Variants in NOC2L observed in about 807,000 individuals in gnomAD.
NOC2L encodes nucleolar complex protein 2 homolog.
A neutral mutation model predicts 94.2 loss-of-function variants in NOC2L; 101 were observed. That is an observed-to-expected ratio of 1.07 (90% CI 0.91 to 1.26). NOC2L has a LOEUF of 1.26. Among genes scored for constraint, NOC2L ranks in the 50% most tolerant of loss-of-function variants. The pLI, the probability that NOC2L is intolerant of heterozygous loss-of-function variation, is 0.00. For synonymous variants in NOC2L, 531 were observed against 413.4 expected (o/e 1.28, Z -3.45); for missense variants, 1,076 against 980.1 (o/e 1.10, Z -1.31).
rs778041820 is a variant in NOC2L at position 953,875 on chromosome 1, CGACA to C, written c.791_794del (p.Leu264ArgfsTer21). 9 of 1,613,114 alleles carry C rather than the reference CGACA, an allele frequency of 5.6e-6. No homozygotes were observed. Among genetic ancestry groups the C allele is most frequent in the South Asian group, 1.1e-5 (1 of 91,088 alleles). On this transcript the variant is annotated frameshift_variant, in exon 8 of 19. Transcript: ENST00000327044. LOFTEE classifies it high-confidence loss of function. ...GCACGGCCGCCAACACCGTCGTCTC[CGACA>C]GACAGGACACCAGCTGGGGGCAGGA...
chr1:956,291 G>A (rs564976118), intron 4 of NOC2L, 76 bp from the exon 5 acceptor site: 29 of 1,565,038 alleles, frequency 1.9e-5, no homozygotes, highest in Non-Finnish European at 2.5e-5. Flanking sequence ...CAGCCCCAGA[G>A]AAAGGCACCC....
At chr1:954,181 G>T in intron 6 of NOC2L, 99 bp from the exon 7 acceptor site, 2 of 1,102,790 alleles carry the variant, frequency 1.8e-6, no homozygotes, top group South Asian at 2.9e-5. Context: ...TAGCCTCTAC[G>T]ACTCTGCAGA....
intron 9 of NOC2L, 56 bp downstream of exon 9, chr1:953,119 A>G: frequency 7.5e-7 from 1 of 1,328,874 alleles, no homozygotes; most frequent in Non-Finnish European, 1.1e-6. Context: ...CCCTGCCCTT[A>G]GGCCGAGATT....
At position 949,256 on chromosome 1, in the gene NOC2L, G is replaced by A. The variant is rs1642192759; in HGVS notation, c.1444-653C>T. ...AGGCTGTGAACCAGAGAGATCCAGG[G>A]TACATGCTGGGGCACCAGAGGACAG... is the stretch of plus-strand genomic sequence containing the variant. On this transcript the variant is annotated intron_variant, in intron 12 of 18. Coordinates refer to ENST00000327044, the MANE Select transcript of NOC2L (RefSeq NM_015658.4). 2.0e-5 allele frequency among the ~76,000 whole-genome samples: 3 copies of A among 152,328 alleles called. 1 individual carries two copies. Among genetic ancestry groups the A allele is most frequent in the South Asian group, 4.1e-4 (2 of 4,826 alleles).
At chr1:956,870 T>C in intron 4 of NOC2L, 24 bp downstream of exon 4, 1 of 1,612,374 alleles carries the variant, frequency 6.2e-7, no homozygotes, top group Non-Finnish European at 8.5e-7. Flanking sequence ...GGCACCCAGC[T>C]GCCCGCCCCT....
chr1:946,705 TGGCAGA>T (rs1642127546), intron 14 of NOC2L, 160 bp from the exon 15 acceptor site: 1 of 833,538 alleles, frequency 1.2e-6, no homozygotes, highest in Non-Finnish European at 1.8e-6. Flanking sequence ...GCAGCTGGGA[TGGCAGA>T]GGCAGAATCA....
rs1023699967 is a variant in NOC2L, at chr1:954,187, G to A, written c.699-105C>T. ...TGGCCAGCATAGCCTCTACGACTCTGCAGAGACCCCCCGTCTCTCCACTCA... is the reference window on the plus strand; with the variant it reads ...TGGCCAGCATAGCCTCTACGACTCTACAGAGACCCCCCGTCTCTCCACTCA... On this transcript the variant is annotated intron_variant, in intron 6 of 18. Transcript: ENST00000327044. 2.9e-6 allele frequency: 3 copies of A among 1,039,822 alleles called. No homozygotes were observed. In the Admixed American group the frequency reaches 7.6e-5, roughly 26 times the overall value. The allele number at this position is 1,039,822 out of a possible 1,614,324, so 64.4% of individuals were successfully genotyped here.
Position 946,208 on chromosome 1 carries a change from G to A in NOC2L, c.1882C>T (p.Arg628Trp), listed in dbSNP as rs145695271. The change falls in exon 16 of 19, where the codon CGG becomes TGG. Residue 628 changes from arginine to tryptophan, a missense_variant. Arg to Trp is a moderately radical substitution (Grantham distance 101). This residue lies in a region of NOC2L where 615 missense variants were observed against 577.4 expected (regional missense o/e 1.07). Transcript: ENST00000327044. ...CCACTGATCTCCAGCTGGATCTCCC[G>A]GTCACGCAGCTTGCGCCAGTGGCTG... ...YYSHWRKLRD[R>W]EIQLEISGKE... 1.1e-5 allele frequency: 18 copies of A among 1,613,370 alleles called. No individual in the cohort carries two copies. Among genetic ancestry groups the A allele is most frequent in the South Asian group, 7.7e-5 (7 of 91,060 alleles).
intron 17 of NOC2L, 146 bp from the exon 18 acceptor site, chr1:945,292 T>C (rs1157652695): frequency 8.9e-7 from 1 of 1,123,114 alleles, no homozygotes; most frequent in Non-Finnish European, 1.3e-6. Context: ...GGGGAGGAAC[T>C]GGGAGGTCAC....
rs773095845 is a variant in NOC2L, at chr1:946,157, C to T, written c.1917+16G>A. ...GAAGTCACAACACACCCCCAGGTCC[C>T]CTCGCCGAGCCGCACCCGCTCTTTG... On this transcript the variant is annotated intron_variant, in intron 16 of 18. Transcript: ENST00000327044. 3.2e-6 allele frequency: 5 copies of T among 1,581,860 alleles called. No individual in the cohort carries two copies. In the South Asian group the frequency reaches 5.6e-5, roughly 18 times the overall value.
At chr1:948,642 C>T in intron 12 of NOC2L, 39 bp from the exon 13 acceptor site, 2 of 1,505,534 alleles carry the variant, frequency 1.3e-6, no homozygotes, top group East Asian at 4.5e-5. Flanking sequence ...CGGCCCCATG[C>T]CTGGTCACCC....
chr1:952,443 T>C lies in NOC2L; in HGVS notation c.1160A>G (p.His387Arg). 1 of 1,613,614 alleles carries C rather than the reference T, an allele frequency of 6.2e-7. No homozygotes were observed. Among genetic ancestry groups the C allele is most frequent in the Non-Finnish European group, 8.5e-7 (1 of 1,179,976 alleles). ...GCGAGTGGTCATGGCGTTGCGCAGG[T>C]GTATGGCGAGCTGGCGGATGTAGAG... ...AFLYIRQLAI[H>R]LRNAMTTRKK... Residue 387 changes from histidine to arginine, a missense_variant, in exon 10 of 19, where the codon CAC becomes CGC. Coordinates refer to ENST00000327044, the MANE Select transcript of NOC2L (RefSeq NM_015658.4).
intron 2 of NOC2L, chr1:958,678 T>A (rs1171654557): frequency 1.5e-6 from 1 of 682,126 alleles, no homozygotes; most frequent in Non-Finnish European, 2.7e-6. Flanking sequence ...CCCAAGAACG[T>A]GAGAGTTCTC....
At chr1:946,654 G>T in intron 14 of NOC2L, 109 bp from the exon 15 acceptor site, 1 of 1,315,122 alleles carries the variant, frequency 7.6e-7, no homozygotes, top group South Asian at 1.4e-5. Context: ...ACCCCAGGAG[G>T]GGACATGGAT....
chr1:956,296 G>C, intron 4 of NOC2L, 81 bp from the exon 5 acceptor site: 1 of 1,546,458 alleles, frequency 6.5e-7, no homozygotes, highest in Non-Finnish European at 8.8e-7. Flanking sequence ...CCAGAGAAAG[G>C]CACCCTCACC....
At chr1:945,823 G>A (rs1642091314) in intron 16 of NOC2L, among the ~76,000 whole-genome samples, 170 bp from the exon 17 acceptor site, 1 of 152,194 alleles carries the variant, frequency 6.6e-6, no homozygotes, top group Non-Finnish European at 1.5e-5. Context: ...CATGTCCAAG[G>A]TCAAAGGCAG....
Position 956,024 on chromosome 1 carries a change from A to C in NOC2L, c.608-11T>G. 1 of 1,614,024 alleles carries C rather than the reference A, an allele frequency of 6.2e-7. No homozygotes were observed. Among genetic ancestry groups the C allele is most frequent in the Admixed American group, 1.7e-5 (1 of 60,020 alleles). ...CCAGAGCATTGAATGCTGCAACGAA[A>C]AGGCCTGGATGTACTCACGGGACAG... On this transcript the variant is annotated splice_polypyrimidine_tract_variant and intron_variant, in intron 5 of 18. Coordinates refer to ENST00000327044, the MANE Select transcript of NOC2L (RefSeq NM_015658.4).
intron 4 of NOC2L, among the ~76,000 whole-genome samples, chr1:956,607 CGCCAACAGA>C (rs1182870084): frequency 1.3e-5 from 2 of 152,136 alleles, no homozygotes; most frequent in Non-Finnish European, 2.9e-5. Flanking sequence ...GGGAGTGGGG[CGCCAACAGA>C]GCCCCTGGAA....
intron 6 of NOC2L, 161 bp from the exon 7 acceptor site, chr1:954,243 G>A (rs960191962): frequency 1.6e-6 from 1 of 633,762 alleles, no homozygotes; most frequent in Non-Finnish European, 2.7e-6. Flanking sequence ...CAGCTGGACA[G>A]ACACAGGGGC....
Sources: allele counts gnomAD v4.1 joint callset (sites outside exome capture counted in the v4.1 genomes callset), GRCh38; gene constraint gnomAD v4.1.1; regional missense constraint gnomAD v4.1.1; transcripts MANE v1.5; gene names NCBI Gene and HGNC (gene_info 2026-07-23, HGNC 2026-07-21).